PICALM: variants seen among roughly 807,000 people sequenced by gnomAD.
The protein encoded by PICALM is phosphatidylinositol binding clathrin assembly protein, also known as phosphatidylinositol-binding clathrin assembly protein.
PICALM carries 40 observed loss-of-function variants against 80.5 expected under a neutral mutation model. The observed-to-expected ratio is 0.50, with a 90% CI of 0.39 to 0.65. PICALM has a LOEUF of 0.65. Among genes scored for constraint, PICALM ranks in the 30% least tolerant of loss-of-function variants. The pLI, the probability that PICALM is intolerant of heterozygous loss-of-function variation, is 0.00. For synonymous variants in PICALM, 288 were observed against 260.3 expected (o/e 1.11, Z -1.02); for missense variants, 676 against 778.9 (o/e 0.87, Z 1.57).
At chr11:86,022,237 C>A in intron 4 of PICALM, 130 bp downstream of exon 4, 1 of 582,448 alleles carries the variant, frequency 1.7e-6, no homozygotes, top group South Asian at 2.2e-5. Flanking sequence ...ACTTGATATA[C>A]CTCATCAAAG....
intron 19 of PICALM, among the ~76,000 whole-genome samples, chr11:85,970,369 G>C (rs2094060663): frequency 6.6e-6 from 1 of 152,124 alleles, no homozygotes; most frequent in African/African-American, 2.4e-5. Context: ...GCAGAACACT[G>C]GATACTTATT....
At position 86,011,045 on chromosome 11, in the gene PICALM, G is replaced by A; in HGVS notation, c.750C>T (p.Phe250=). ...FLTRMTRISE[F]LKVAEQVGID... ...GACAGTTTACCTCTGCAACTTTGAGGAACTCTGAGATTCTTGTCATCCTAG... is the reference window on the plus strand; with the variant it reads ...GACAGTTTACCTCTGCAACTTTGAGAAACTCTGAGATTCTTGTCATCCTAG... The change falls in exon 7 of 20, where the codon TTC becomes TTT. Residue 250 remains phenylalanine, a synonymous_variant. Coordinates refer to ENST00000393346, the MANE Select transcript of PICALM (RefSeq NM_007166.4). The A allele has an allele frequency of 6.6e-7, 1 of 1,513,240 alleles. No individual in the cohort carries two copies. Among genetic ancestry groups the A allele is most frequent in the African/African-American group, 1.4e-5 (1 of 72,398 alleles). The allele number at this position is 1,513,240 out of a possible 1,614,324, so 93.7% of individuals were successfully genotyped here. A position where few individuals can be genotyped will look rare whatever the true frequency, so the allele number is the denominator to read the frequency against.
At chr11:85,985,315 C>A (rs72951268) in intron 13 of PICALM, among the ~76,000 whole-genome samples, 25,633 of 152,064 alleles carry the variant, frequency 0.17, 2,669 homozygotes, top group Middle Eastern at 0.24. Context: ...AAGACAGAAA[C>A]AACAATTTAT....
intron 1 of PICALM, among the ~76,000 whole-genome samples, chr11:86,045,229 C>T (rs900511865): frequency 6.6e-6 from 1 of 152,000 alleles, no homozygotes; most frequent in Admixed American, 6.6e-5. Context: ...TAATATTACG[C>T]CTTTAAGTTT....
At chr11:86,058,579 G>C (rs1392247433) in intron 1 of PICALM, among the ~76,000 whole-genome samples, 2 of 152,054 alleles carry the variant, frequency 1.3e-5, no homozygotes, top group Admixed American at 6.6e-5. Flanking sequence ...ACTGGCCCCT[G>C]GAATCAACTT....
intron 12 of PICALM, 152 bp downstream of exon 12, chr11:85,996,674 T>A: frequency 5.8e-6 from 3 of 513,060 alleles, no homozygotes; most frequent in Non-Finnish European, 1.0e-5. Context: ...TAAATGAACA[T>A]ACCTTCAAGG....
chr11:86,037,479 T>C lies in PICALM; in HGVS notation c.131-5868A>G, dbSNP rs189035962. ...TTCACCATCTTGGCCAGGCTGGTCT[T>C]GAACTCCTGACCTTGTGATCCACCT... On this transcript the variant is annotated intron_variant, in intron 1 of 19. Coordinates refer to ENST00000393346, the MANE Select transcript of PICALM (RefSeq NM_007166.4). 3.9e-3 allele frequency among the ~76,000 whole-genome samples: 587 copies of C among 151,278 alleles called. 4 individuals carry two copies. Among genetic ancestry groups the C allele is most frequent in the African/African-American group, 0.014 (558 of 41,244 alleles).
Position 86,068,932 on chromosome 11 carries a change from T to A in PICALM, c.-152A>T, listed in dbSNP as rs564785637. ...TGGGGCGCGGTTCGGGGCCGCGCGC[T>A]GCCACCAGTCCAGAGAGAACCGGCT... On this transcript the variant is annotated 5_prime_UTR_variant, in exon 1 of 20. Coordinates refer to ENST00000393346, the MANE Select transcript of PICALM (RefSeq NM_007166.4). 87 of 982,582 alleles carry A rather than the reference T, an allele frequency of 8.9e-5. No homozygotes were observed. In the African/African-American group the frequency reaches 1.3e-3, roughly 15 times the overall value. The allele number at this position is 982,582 out of a possible 1,614,324, so 60.9% of individuals were successfully genotyped here. A position where few individuals can be genotyped will look rare whatever the true frequency, so the allele number is the denominator to read the frequency against.
intron 7 of PICALM, among the ~76,000 whole-genome samples, chr11:86,009,099 G>A (rs1483874550): frequency 1.3e-5 from 2 of 151,586 alleles, no homozygotes; most frequent in African/African-American, 4.8e-5. Flanking sequence ...GAGGTCAGGA[G>A]TTCCAGATTA....
At chr11:86,057,716 C>CTT (rs2096291451) in intron 1 of PICALM, among the ~76,000 whole-genome samples, 1 of 152,104 alleles carries the variant, frequency 6.6e-6, no homozygotes, top group East Asian at 1.9e-4. Flanking sequence ...GACATTTTTC[C>CTT]TTGTCATCAT....
intron 13 of PICALM, among the ~76,000 whole-genome samples, chr11:85,984,385 A>G (rs567480464): frequency 2.0e-5 from 3 of 152,292 alleles, no homozygotes; most frequent in African/African-American, 7.2e-5. Flanking sequence ...TGAAACTTCT[A>G]GTAGCCCCAA....
intron 19 of PICALM, among the ~76,000 whole-genome samples, chr11:85,964,622 A>G (rs2093811651): frequency 1.3e-5 from 2 of 152,336 alleles, no homozygotes; most frequent in Admixed American, 1.3e-4. Flanking sequence ...ATCTACAGAT[A>G]TAAGAGGCCT....
intron 1 of PICALM, among the ~76,000 whole-genome samples, chr11:86,045,511 TTGAAATTCAAAAAAAAAAAAAAAA>T (rs1198227195): frequency 1.0e-5 from 1 of 95,638 alleles, no homozygotes; most frequent in Non-Finnish European, 2.1e-5. Context: ...AGACCCTGTC[TTGAAATTCAAAAAAAAAAAAAAAA>T]AAAAAAAAAA....
At chr11:86,014,135 G>C (rs114819548) in intron 5 of PICALM, among the ~76,000 whole-genome samples, 748 of 152,280 alleles carry the variant, frequency 4.9e-3, no homozygotes, top group Non-Finnish European at 5.5e-3. Flanking sequence ...GGGTACAACA[G>C]AGAACAAAAG....
chr11:86,063,847 T>C (rs2096405015), intron 1 of PICALM, among the ~76,000 whole-genome samples: 1 of 151,954 alleles, frequency 6.6e-6, no homozygotes, highest in African/African-American at 2.4e-5. Flanking sequence ...AATTACAAAA[T>C]AACTGTCTTC....
Position 85,958,643 on chromosome 11 carries a change from T to G in PICALM, c.*403A>C, listed in dbSNP as rs997879741. On this transcript the variant is annotated 3_prime_UTR_variant, in exon 20 of 20. Coordinates refer to ENST00000393346, the MANE Select transcript of PICALM (RefSeq NM_007166.4). ...GCATAATTAGGAATTTTAATTTTGATCCCCCAAAAGAGTCCTGTTGAAATA... is the reference window on the plus strand; with the variant it reads ...GCATAATTAGGAATTTTAATTTTGAGCCCCCAAAAGAGTCCTGTTGAAATA... The G allele has an allele frequency of 1.3e-5, 3 of 239,736 alleles. No homozygotes were observed. In the East Asian group the frequency reaches 1.9e-4, roughly 15 times the overall value. The allele number at this position is 239,736 out of a possible 1,614,324, so 14.9% of individuals were successfully genotyped here.
At chr11:86,010,281 A>G (rs1165478972) in intron 7 of PICALM, among the ~76,000 whole-genome samples, 1 of 152,106 alleles carries the variant, frequency 6.6e-6, no homozygotes, top group Non-Finnish European at 1.5e-5. Flanking sequence ...AGTTTTCACA[A>G]TCAATGATAA....
chr11:86,029,910 A>G (rs990402916), intron 2 of PICALM, among the ~76,000 whole-genome samples: 7 of 152,252 alleles, frequency 4.6e-5, no homozygotes, highest in South Asian at 2.1e-4. Context: ...AGCAACTAAC[A>G]TAAGTCCTAA....
intron 1 of PICALM, among the ~76,000 whole-genome samples, chr11:86,051,526 T>C (rs542700546): frequency 6.6e-6 from 1 of 152,182 alleles, no homozygotes; most frequent in South Asian, 2.1e-4. Context: ...CCAGGCATGG[T>C]AGCGTGCACT....
Sources: allele counts gnomAD v4.1 joint callset (sites outside exome capture counted in the v4.1 genomes callset), GRCh38; gene constraint gnomAD v4.1.1; transcripts MANE v1.5; gene names NCBI Gene and HGNC (gene_info 2026-07-23, HGNC 2026-07-21).